The following RIMS4 variants were observed in gnomAD, a reference collection of about 807,000 sequenced individuals.
RIMS4 encodes regulating synaptic membrane exocytosis protein 4.
RIMS4 carries 9 observed loss-of-function variants against 29.0 expected under a neutral mutation model. That is an observed-to-expected ratio of 0.31 (90% CI 0.19 to 0.54). RIMS4 has a LOEUF of 0.54. Among genes scored for constraint, RIMS4 ranks in the 20% least tolerant of loss-of-function variants. The pLI is 0.94. For synonymous variants in RIMS4, 130 were observed against 152.9 expected (o/e 0.85, Z 1.10); for missense variants, 193 against 365.7 (o/e 0.53, Z 3.85).
At chr20:44,765,317 C>G (rs1306421288) in intron 2 of RIMS4, among the ~76,000 whole-genome samples, 5 of 152,286 alleles carry the variant, frequency 3.3e-5, no homozygotes, top group Non-Finnish European at 7.4e-5. Context: ...AGGCCTGGAA[C>G]TGAATCCTGA....
chr20:44,766,780 C>A (rs566481416), intron 2 of RIMS4, among the ~76,000 whole-genome samples: 5 of 152,254 alleles, frequency 3.3e-5, no homozygotes, highest in East Asian at 1.9e-4. Flanking sequence ...GCCATCCCCC[C>A]ACCCCTTATT....
intron 2 of RIMS4, among the ~76,000 whole-genome samples, chr20:44,762,070 C>T (rs2066087846): frequency 6.6e-6 from 1 of 152,194 alleles, no homozygotes; most frequent in Admixed American, 6.5e-5. Context: ...GAAACTGCTC[C>T]ACCTCAGATC....
At chr20:44,783,137 C>T (rs2066192180) in intron 1 of RIMS4, among the ~76,000 whole-genome samples, 1 of 152,184 alleles carries the variant, frequency 6.6e-6, no homozygotes, top group Non-Finnish European at 1.5e-5. Flanking sequence ...GCCCAAGGTC[C>T]CACAGCAAGT....
At position 44,767,285 on chromosome 20, in the gene RIMS4, G is replaced by A. The variant is rs185176859; in HGVS notation, c.236+3990C>T. Among the ~76,000 whole-genome samples, 480 of 152,292 alleles carry A rather than the reference G, an allele frequency of 3.2e-3. 6 individuals carry two copies. Among genetic ancestry groups the A allele is most frequent in the Middle Eastern group, 6.8e-3 (2 of 294 alleles). ...TATGTCTGGAAGGTTCTGTTCTCAC[G>A]GCCCCATCTCAGAGGGCTTGAGCTC... On this transcript the variant is annotated intron_variant, in intron 2 of 5. Transcript: ENST00000372851.
At chr20:44,804,377 G>T (rs967922129) in intron 1 of RIMS4, among the ~76,000 whole-genome samples, 4 of 152,132 alleles carry the variant, frequency 2.6e-5, no homozygotes, top group Non-Finnish European at 5.9e-5. Flanking sequence ...TCCAAGCCCA[G>T]GTATCTTTCC....
chr20:44,800,015 C>T (rs1038878291), intron 1 of RIMS4, among the ~76,000 whole-genome samples: 1 of 152,206 alleles, frequency 6.6e-6, no homozygotes, highest in African/African-American at 2.4e-5. Context: ...GATGAGGAAA[C>T]AGGCTCAGGG....
chr20:44,810,122 G>T, intron 1 of RIMS4, 53 bp downstream of exon 1: 1 of 1,175,320 alleles, frequency 8.5e-7, no homozygotes, highest in South Asian at 1.3e-5. Context: ...GGGGGCTACC[G>T]GACCTGGATC....
At chr20:44,794,138 G>A (rs1170705844) in intron 1 of RIMS4, among the ~76,000 whole-genome samples, 1 of 152,138 alleles carries the variant, frequency 6.6e-6, no homozygotes, top group Non-Finnish European at 1.5e-5. Context: ...TCACCAAATG[G>A]GTCATGAGAA....
chr20:44,810,135 G>A (rs769895960), intron 1 of RIMS4, 40 bp downstream of exon 1: 2 of 1,361,690 alleles, frequency 1.5e-6, no homozygotes, highest in Non-Finnish European at 2.0e-6. Context: ...CCTGGATCCC[G>A]GGACACCCCG....
chr20:44,757,066 T>C (rs1231988860), intron 4 of RIMS4, 29 bp from the exon 5 acceptor site: 2 of 1,606,478 alleles, frequency 1.2e-6, no homozygotes, highest in Admixed American at 3.4e-5. Context: ...AGGGGTGAGT[T>C]CTAGTTTGGC....
rs1392883555 is a variant in RIMS4 at position 44,752,639 on chromosome 20, C to A, written c.*3495G>T. On this transcript the variant is annotated 3_prime_UTR_variant, in exon 6 of 6. Coordinates refer to ENST00000372851, the MANE Select transcript of RIMS4 (RefSeq NM_182970.4). ...GCTCTTGTGAGGGCCGAAGGGCACA[C>A]TCGAGATAAAAGCATTCTGAAAACA... is the stretch of plus-strand genomic sequence containing the variant. The A allele has an allele frequency of 6.6e-6, 1 of 152,400 alleles. No individual in the cohort carries two copies. Among genetic ancestry groups the A allele is most frequent in the Non-Finnish European group, 1.5e-5 (1 of 68,172 alleles). 9.4% of individuals were successfully genotyped at this position (152,400 alleles called of 1,614,324 possible).
chr20:44,764,189 T>TCCA (rs1568895695), intron 2 of RIMS4, among the ~76,000 whole-genome samples: 122 of 9,840 alleles, frequency 0.012, no homozygotes, highest in East Asian at 0.029. Context: ...CATCCATCCA[T>TCCA]TTATCCATCC....
chr20:44,756,443 C>T lies in RIMS4; in HGVS notation c.592-91G>A. On this transcript the variant is annotated intron_variant, in intron 5 of 5. Coordinates refer to ENST00000372851, the MANE Select transcript of RIMS4 (RefSeq NM_182970.4). The surrounding 1 kb of genome is among the most constrained non-coding windows in gnomAD (Gnocchi z 5.9). ...CTGGGTCGCCCCATGCCCAATCCAGCTCAGTCCTGTGATTTCTACCTCCTT... is the reference window on the plus strand; with the variant it reads ...CTGGGTCGCCCCATGCCCAATCCAGTTCAGTCCTGTGATTTCTACCTCCTT... 1 of 1,031,878 alleles carries T rather than the reference C, an allele frequency of 9.7e-7. No individual in the cohort carries two copies. The highest frequency in any genetic ancestry group is 1.4e-6 in the Non-Finnish European group (1 of 690,646). 63.9% of individuals were successfully genotyped at this position (1,031,878 alleles called of 1,614,324 possible).
At chr20:44,766,164 C>A (rs981543092) in intron 2 of RIMS4, among the ~76,000 whole-genome samples, 2 of 152,160 alleles carry the variant, frequency 1.3e-5, no homozygotes, top group Non-Finnish European at 2.9e-5. Flanking sequence ...CTTCTGCCCA[C>A]GCCCAGGACA....
In RIMS4 at chr20:44,756,048, T is replaced by C; in HGVS notation, c.*86A>G. On this transcript the variant is annotated 3_prime_UTR_variant, in exon 6 of 6. Coordinates refer to ENST00000372851, the MANE Select transcript of RIMS4 (RefSeq NM_182970.4). This position sits in a 1 kb window ranked among gnomAD's most constrained non-coding sequence, Gnocchi z 5.9. ...ACTGTGGGGGAGAGCCCCGTCCTCC[T>C]GTTCAATGTGCCCCTGGGCCTGGGG... is the stretch of plus-strand genomic sequence containing the variant. 1 of 1,063,244 alleles carries C rather than the reference T, an allele frequency of 9.4e-7. No individual in the cohort carries two copies. The highest frequency in any genetic ancestry group is 1.4e-6 in the Non-Finnish European group (1 of 716,978). The allele number at this position is 1,063,244 out of a possible 1,614,324, so 65.9% of individuals were successfully genotyped here. A position where few individuals can be genotyped will look rare whatever the true frequency, so the allele number is the denominator to read the frequency against.
At chr20:44,803,841 G>A (rs1420569946) in intron 1 of RIMS4, among the ~76,000 whole-genome samples, 1 of 152,244 alleles carries the variant, frequency 6.6e-6, no homozygotes, top group Non-Finnish European at 1.5e-5. Flanking sequence ...CACGGCAGCT[G>A]AGGGCCAACT....
At chr20:44,764,119 C>T (rs2066099834) in intron 2 of RIMS4, among the ~76,000 whole-genome samples, 1 of 143,534 alleles carries the variant, frequency 7.0e-6, no homozygotes, top group Admixed American at 6.8e-5. Flanking sequence ...TCCATTTATC[C>T]ATCCATCCAT....
chr20:44,784,736 T>A (rs2066200483), intron 1 of RIMS4, among the ~76,000 whole-genome samples: 1 of 152,190 alleles, frequency 6.6e-6, no homozygotes, highest in South Asian at 2.1e-4. Flanking sequence ...TCTTCCTTGA[T>A]TTGGCCTTAG....
intron 1 of RIMS4, among the ~76,000 whole-genome samples, chr20:44,775,590 C>T (rs149872098): frequency 2.6e-5 from 4 of 152,340 alleles, no homozygotes; most frequent in East Asian, 1.9e-4. Flanking sequence ...AACCCCACAG[C>T]GGGGCTGGGG....
Sources: gnomAD v4.1 joint callset for allele counts (sites outside exome capture counted in the v4.1 genomes callset) on GRCh38, gnomAD v4.1.1 for gene constraint, Gnocchi (gnomAD v3.1) non-coding constraint, MANE v1.5 for transcripts, NCBI Gene and HGNC (gene_info 2026-07-23, HGNC 2026-07-21) for gene names.